ADGRA3: variants seen among roughly 807,000 people sequenced by gnomAD.
The protein encoded by ADGRA3 is G-protein coupled receptor 125.
In ADGRA3, 56 loss-of-function variants were observed where a neutral mutation model predicts 119.8. That is an observed-to-expected ratio of 0.47 (90% CI 0.38 to 0.58). The LOEUF (loss-of-function observed/expected upper bound fraction) is 0.58, where lower values mean the gene tolerates loss of function less well. Ranked by LOEUF, ADGRA3 falls within the 20% of genes least tolerant of loss-of-function variation. The pLI is 0.00. For missense variants in ADGRA3, 1,516 were observed against 1,649.0 expected (o/e 0.92, Z 1.40); for synonymous variants, 607 against 623.8 (o/e 0.97, Z 0.40).
chr4:22,444,930 C>CAAGA, intron 6 of ADGRA3, 43 bp downstream of exon 6: 1 of 1,602,516 alleles, frequency 6.2e-7, no homozygotes, highest in Non-Finnish European at 8.5e-7. Context: ...GGTAGCAAGT[C>CAAGA]AAAATATGGT....
intron 2 of ADGRA3, 91 bp from the exon 3 acceptor site, chr4:22,461,899 A>T (rs1229477851): frequency 4.0e-6 from 3 of 741,392 alleles, no homozygotes; most frequent in Non-Finnish European, 6.6e-6. Context: ...AAAAAAACAA[A>T]AGTATAATAA....
chr4:22,419,971 T>C (rs953490928), intron 12 of ADGRA3: 7 of 152,648 alleles, frequency 4.6e-5, no homozygotes, highest in Admixed American at 2.0e-4. Flanking sequence ...GTTGGGATTT[T>C]CTAAATTTAG....
At chr4:22,497,392 T>C (rs1718871604) in intron 1 of ADGRA3, among the ~76,000 whole-genome samples, 1 of 152,034 alleles carries the variant, frequency 6.6e-6, no homozygotes, top group South Asian at 2.1e-4. Flanking sequence ...CATGACACCC[T>C]GCAGGTTCAC....
intron 1 of ADGRA3, among the ~76,000 whole-genome samples, chr4:22,479,491 A>T (rs1396876930): frequency 6.6e-6 from 1 of 151,690 alleles, no homozygotes; most frequent in East Asian, 1.9e-4. Flanking sequence ...AGAAGTCAGG[A>T]AACAACAGAT....
At chr4:22,479,439 GGCGACAGA>G (rs1219216224) in intron 1 of ADGRA3, among the ~76,000 whole-genome samples, 2 of 151,628 alleles carry the variant, frequency 1.3e-5, no homozygotes, top group Non-Finnish European at 2.9e-5. Flanking sequence ...CTCCAGCCTG[GGCGACAGA>G]GCGAGACTCT....
In ADGRA3 at chr4:22,389,098, T is replaced by C. The variant is rs553984951; in HGVS notation, c.2713A>G (p.Asn905Asp). ...ATATAAAATACTCACTAGGGTGCGT[T>C]TGGCCGACTGCCGTAATTCTTAATG... ...ANIKNYGSRPNAPYCWMAWEP... is the reference protein window; with the variant it reads ...ANIKNYGSRPDAPYCWMAWEP... The change falls in exon 18 of 19, where the codon AAC becomes GAC. Residue 905 changes from asparagine (N) to aspartate (D), a missense_variant. Physicochemically the swap from Asn to Asp is conservative, Grantham distance 23 (BLOSUM62 1). Around this residue, in one of 2 missense-constraint regions of ADGRA3, gnomAD observed 1,088 missense variants for 1,107.1 expected, o/e 0.98. Transcript: ENST00000334304. 6.8e-6 allele frequency: 11 copies of C among 1,613,952 alleles called. No homozygotes were observed. The highest frequency in any genetic ancestry group is 1.7e-4 in the Middle Eastern group (1 of 6,056).
chr4:22,433,379 C>T (rs1173672890), intron 10 of ADGRA3, among the ~76,000 whole-genome samples: 1 of 152,184 alleles, frequency 6.6e-6, no homozygotes, highest in East Asian at 1.9e-4. Flanking sequence ...CCAAGCTTTG[C>T]AACTATTTTG....
At chr4:22,453,292 A>G (rs1457487126) in intron 4 of ADGRA3, among the ~76,000 whole-genome samples, 1 of 152,140 alleles carries the variant, frequency 6.6e-6, no homozygotes, top group Non-Finnish European at 1.5e-5. Context: ...TTTGCAGGGC[A>G]ATTACAAAGG....
Position 22,388,928 on chromosome 4 carries a change from G to C in ADGRA3, c.2743C>G (p.Pro915Ala). The C allele has an allele frequency of 6.2e-7, 1 of 1,613,050 alleles. No homozygotes were observed. Among genetic ancestry groups the C allele is most frequent in the Non-Finnish European group, 8.5e-7 (1 of 1,179,398 alleles). ...GGCCCATAGAAGGCTCCCAAGGAGG[G>C]TTCCCATGCCATCCAGCAACTGGAA... is the stretch of plus-strand genomic sequence containing the variant. ...NAPYCWMAWE[P>A]SLGAFYGPAS... Residue 915 changes from proline to alanine, a missense_variant, in exon 19 of 19, where the codon CCC becomes GCC. Transcript: ENST00000334304.
intron 2 of ADGRA3, among the ~76,000 whole-genome samples, chr4:22,466,542 C>T (rs1411729527): frequency 1.3e-5 from 2 of 152,130 alleles, no homozygotes; most frequent in Admixed American, 1.3e-4. Context: ...GCCTGGCCAA[C>T]ATGGTGAAAC....
At chr4:22,434,142 ATATC>A (rs1361018826) in intron 10 of ADGRA3, among the ~76,000 whole-genome samples, 1 of 148,140 alleles carries the variant, frequency 6.8e-6, no homozygotes, top group African/African-American at 2.5e-5. Flanking sequence ...ATATAACAAT[ATATC>A]TATATTAGAT....
intron 17 of ADGRA3, among the ~76,000 whole-genome samples, chr4:22,392,250 A>G (rs4364244): frequency 0.3 from 45,930 of 152,132 alleles, 8,461 homozygotes; most frequent in African/African-American, 0.52. Flanking sequence ...AGAGCCGATT[A>G]TATGGCCAAT....
chr4:22,453,106 G>A (rs973103548), intron 4 of ADGRA3, among the ~76,000 whole-genome samples: 30 of 151,452 alleles, frequency 2.0e-4, no homozygotes, highest in African/African-American at 6.6e-4. Context: ...CAAGGCTGAG[G>A]CAGAGAATGG....
intron 4 of ADGRA3, among the ~76,000 whole-genome samples, chr4:22,450,541 G>A (rs758539922): frequency 5.9e-5 from 9 of 152,062 alleles, no homozygotes; most frequent in Non-Finnish European, 1.2e-4. Context: ...CTGGGATTAC[G>A]GGCGTGAGCC....
intron 1 of ADGRA3, among the ~76,000 whole-genome samples, chr4:22,502,676 G>C (rs1037174649): frequency 6.6e-6 from 1 of 151,400 alleles, no homozygotes; most frequent in African/African-American, 2.4e-5. Context: ...ACAGAAAAAA[G>C]AAAAGCAATG....
At chr4:22,403,763 A>G (rs1560298969) in intron 14 of ADGRA3, among the ~76,000 whole-genome samples, 1 of 152,172 alleles carries the variant, frequency 6.6e-6, no homozygotes, top group Non-Finnish European at 1.5e-5. Flanking sequence ...AATTTAAAAA[A>G]ATAAATAAGC....
intron 10 of ADGRA3, 72 bp from the exon 11 acceptor site, chr4:22,424,424 T>G (rs558905385): frequency 6.6e-7 from 1 of 1,507,076 alleles, no homozygotes; most frequent in East Asian, 2.3e-5. Context: ...ATCAAAATCC[T>G]AATGGACAGT....
At chr4:22,440,978 T>C (rs1716590560) in intron 7 of ADGRA3, among the ~76,000 whole-genome samples, 3 of 152,194 alleles carry the variant, frequency 2.0e-5, no homozygotes, top group South Asian at 4.1e-4. Flanking sequence ...AACAATTATA[T>C]GCCCCTGACA....
At chr4:22,498,490 C>T (rs537838250) in intron 1 of ADGRA3, among the ~76,000 whole-genome samples, 5 of 145,310 alleles carry the variant, frequency 3.4e-5, no homozygotes, top group African/African-American at 4.9e-5. Flanking sequence ...TGGTGGCGGG[C>T]GCCTGTAATC....
Sources: gnomAD v4.1 joint callset for allele counts (sites outside exome capture counted in the v4.1 genomes callset) on GRCh38, gnomAD v4.1.1 for gene constraint, gnomAD v4.1.1 regional missense constraint, MANE v1.5 for transcripts, NCBI Gene and HGNC (gene_info 2026-07-23, HGNC 2026-07-21) for gene names.